ATP11A: variants seen among roughly 807,000 people sequenced by gnomAD.
ATP11A encodes ATPase phospholipid transporting 11A.
Under a neutral mutation model 154.4 loss-of-function variants are expected in ATP11A, and 81 were observed. The observed-to-expected ratio is 0.52, with a 90% CI of 0.44 to 0.63. The LOEUF (loss-of-function observed/expected upper bound fraction) is 0.63, where lower values mean the gene tolerates loss of function less well. Among genes scored for constraint, ATP11A ranks in the 30% least tolerant of loss-of-function variants. ATP11A has a pLI of 0.00. For missense variants in ATP11A, 1,316 were observed against 1,474.3 expected, an observed-to-expected ratio of 0.89 and a Z score of 1.76; for synonymous variants, 623 against 585.9, an observed-to-expected ratio of 1.06 and a Z score of -0.91.
chr13:112,710,734 C>T (rs1238669894), intron 1 of ATP11A, among the ~76,000 whole-genome samples: 1 of 152,192 alleles, frequency 6.6e-6, no homozygotes, highest in Non-Finnish European at 1.5e-5. Flanking sequence ...AGGGGAAGAC[C>T]AGTTCCAGTC....
At chr13:112,692,751 C>T (rs1414921814) in intron 1 of ATP11A, among the ~76,000 whole-genome samples, 2 of 152,168 alleles carry the variant, frequency 1.3e-5, no homozygotes, top group Admixed American at 6.5e-5. Flanking sequence ...CCATTCATCT[C>T]TATCATTTTA....
rs9604423 is a variant in ATP11A at position 112,757,419 on chromosome 13, T to C, written c.40-27716T>C. On this transcript the variant is annotated intron_variant, in intron 1 of 29. Transcript: ENST00000375645. ...TTAGTGTCATCACGACTTCCTCTTATGTCGGTGTTAATTACTGTCACAGGT... is the reference window on the plus strand; with the variant it reads ...TTAGTGTCATCACGACTTCCTCTTACGTCGGTGTTAATTACTGTCACAGGT... 3.9e-3 allele frequency among the ~76,000 whole-genome samples: 597 copies of C among 152,388 alleles called. 3 individuals carry two copies. Among genetic ancestry groups the C allele is most frequent in the African/African-American group, 0.014 (568 of 41,598 alleles).
In ATP11A at chr13:112,810,614, T is replaced by A. The variant is rs528427403; in HGVS notation, c.334-5T>A. 2 of 1,612,986 alleles carry A rather than the reference T, an allele frequency of 1.2e-6. No individual in the cohort carries two copies. The highest frequency in any genetic ancestry group is 8.5e-7 in the Non-Finnish European group (1 of 1,179,154). ...CTCTCTCCCTTCTTTCCTTCCTTTT[T>A]TTAGGGTTATGAAGACTGGCTTCGA... is the stretch of plus-strand genomic sequence containing the variant. On this transcript the variant is annotated splice_region_variant and splice_polypyrimidine_tract_variant and intron_variant, in intron 4 of 29. Coordinates refer to ENST00000375645, the MANE Select transcript of ATP11A (RefSeq NM_015205.3).
intron 22 of ATP11A, 141 bp downstream of exon 22, chr13:112,858,431 CTGATTG>C: frequency 1.2e-6 from 1 of 864,824 alleles, no homozygotes; most frequent in Non-Finnish European, 1.7e-6. Flanking sequence ...AGGGGTGAAT[CTGATTG>C]CAGTCATCTC....
Position 112,697,798 on chromosome 13 carries a change from T to C in ATP11A, c.39+7343T>C, listed in dbSNP as rs1886058901. Among the ~76,000 whole-genome samples the C allele has an allele frequency of 6.7e-6, 1 of 148,594 alleles. No individual in the cohort carries two copies. The highest frequency in any genetic ancestry group is 2.2e-4 in the South Asian group (1 of 4,632). ...CATATTGGCCAGGCTGGTCTCGAAC[T>C]CCTGACCTCAGATGATCCGCCCACC... On this transcript the variant is annotated intron_variant, in intron 1 of 29. Coordinates refer to ENST00000375645, the MANE Select transcript of ATP11A (RefSeq NM_015205.3). This position sits in a 1 kb window ranked among gnomAD's most constrained non-coding sequence, Gnocchi z 4.0.
intron 1 of ATP11A, among the ~76,000 whole-genome samples, chr13:112,693,815 G>A (rs981026613): frequency 6.6e-6 from 1 of 152,180 alleles, no homozygotes; most frequent in African/African-American, 2.4e-5. Context: ...AGCCGGGCAT[G>A]GTGGCGGGTG....
chr13:112,805,931 T>G (rs1299596898), intron 3 of ATP11A, among the ~76,000 whole-genome samples: 1 of 151,868 alleles, frequency 6.6e-6, no homozygotes, highest in East Asian at 1.9e-4. Flanking sequence ...ACTGAGGCCG[T>G]GGGGTGAATT....
chr13:112,852,339 G>A (rs756187196), intron 18 of ATP11A, among the ~76,000 whole-genome samples: 4 of 152,200 alleles, frequency 2.6e-5, no homozygotes, highest in South Asian at 2.1e-4. Flanking sequence ...TTTTCTGAGC[G>A]TGTTGAACAA....
chr13:112,716,665 C>T (rs903069479), intron 1 of ATP11A, among the ~76,000 whole-genome samples: 1 of 152,170 alleles, frequency 6.6e-6, no homozygotes, highest in Admixed American at 6.5e-5. Context: ...GTCTTGGGCA[C>T]GTCGATGGGG....
chr13:112,748,965 A>G (rs2076624337), intron 1 of ATP11A, among the ~76,000 whole-genome samples: 1 of 152,094 alleles, frequency 6.6e-6, no homozygotes, highest in East Asian at 1.9e-4. Flanking sequence ...CTTCCACATC[A>G]CGGAGCACAC....
chr13:112,796,319 A>G (rs151324048), intron 2 of ATP11A, among the ~76,000 whole-genome samples: 6 of 152,348 alleles, frequency 3.9e-5, no homozygotes, highest in Non-Finnish European at 7.3e-5. Context: ...ACCTCTGACT[A>G]TGACACTGTC....
intron 17 of ATP11A, among the ~76,000 whole-genome samples, chr13:112,847,768 A>G (rs1023918972): frequency 6.6e-6 from 1 of 152,178 alleles, no homozygotes; most frequent in Admixed American, 6.5e-5. Flanking sequence ...GAATTTTAGG[A>G]TGGGCTTTTT....
Position 112,786,804 on chromosome 13 carries a change from C to T in ATP11A, c.162+1547C>T, listed in dbSNP as rs924029773. On this transcript the variant is annotated intron_variant, in intron 2 of 29. Coordinates refer to ENST00000375645, the MANE Select transcript of ATP11A (RefSeq NM_015205.3). ...TCACACGTGTGCCCTCACCTGTAGA[C>T]GCATTTAATTTACATTGGGTGTCCT... 2.0e-4 allele frequency among the ~76,000 whole-genome samples: 30 copies of T among 151,938 alleles called. No individual in the cohort carries two copies. The South Asian group carries it at 4.1e-3, about 21-fold the overall frequency.
intron 5 of ATP11A, among the ~76,000 whole-genome samples, chr13:112,813,728 G>C (rs906747162): frequency 6.6e-6 from 1 of 151,946 alleles, no homozygotes; most frequent in African/African-American, 2.4e-5. Context: ...CACGCACGAC[G>C]TTGCCAGCAT....
At chr13:112,797,371 G>A (rs1338111355) in intron 2 of ATP11A, among the ~76,000 whole-genome samples, 1 of 151,318 alleles carries the variant, frequency 6.6e-6, no homozygotes, top group South Asian at 2.1e-4. Flanking sequence ...AGTAAAAGTG[G>A]CTATTTCCAA....
chr13:112,716,361 T>C (rs760011701), intron 1 of ATP11A, among the ~76,000 whole-genome samples: 1 of 152,180 alleles, frequency 6.6e-6, no homozygotes, highest in Non-Finnish European at 1.5e-5. Context: ...GCGTGTGGCC[T>C]GGCGTCTCCC....
rs2080990521 is a variant in ATP11A at position 112,887,113 on chromosome 13, G to C, written c.*5247G>C. The C allele has an allele frequency of 6.6e-6, 1 of 152,212 alleles. No homozygotes were observed. The highest frequency in any genetic ancestry group is 1.5e-5 in the Non-Finnish European group (1 of 68,042). 9.4% of individuals were successfully genotyped at this position (152,212 alleles called of 1,614,324 possible). A position where few individuals can be genotyped will look rare whatever the true frequency, so the allele number is the denominator to read the frequency against. On this transcript the variant is annotated 3_prime_UTR_variant, in exon 30 of 30. Coordinates refer to ENST00000375645, the MANE Select transcript of ATP11A (RefSeq NM_015205.3). ...TTATCTAAGCAGGAGACCTGAATCT[G>C]CTTGCAATAAAGAATAAAAGTCTGC...
Position 112,754,984 on chromosome 13 carries a change from G to A in ATP11A, c.40-30151G>A, listed in dbSNP as rs1028775946. On this transcript the variant is annotated intron_variant, in intron 1 of 29. Coordinates refer to ENST00000375645, the MANE Select transcript of ATP11A (RefSeq NM_015205.3). This position sits in a 1 kb window ranked among gnomAD's most constrained non-coding sequence, Gnocchi z 5.3. ...GAGCTCCTGCCGAGGGCTGGATGGC[G>A]CGGACCTGGGCATCGTGGCCTCTGC... Among the ~76,000 whole-genome samples the A allele has an allele frequency of 3.3e-5, 5 of 152,344 alleles. No homozygotes were observed. The highest frequency in any genetic ancestry group is 4.8e-5 in the African/African-American group (2 of 41,580).
chr13:112,795,954 A>T (rs55959784), intron 2 of ATP11A, among the ~76,000 whole-genome samples: 2 of 152,198 alleles, frequency 1.3e-5, no homozygotes, highest in Non-Finnish European at 2.9e-5. Context: ...TCTGAAGTCT[A>T]TGTGTTTCAT....
Sources: gnomAD v4.1 joint callset for allele counts (sites outside exome capture counted in the v4.1 genomes callset) on GRCh38, gnomAD v4.1.1 for gene constraint, Gnocchi (gnomAD v3.1) non-coding constraint, MANE v1.5 for transcripts, NCBI Gene and HGNC (gene_info 2026-07-23, HGNC 2026-07-21) for gene names.